Variants in THSD7B observed in about 807,000 individuals in gnomAD.
THSD7B encodes thrombospondin type-1 domain-containing protein 7B.
A neutral mutation model predicts 213.6 loss-of-function variants in THSD7B; 138 were observed. The ratio of observed to expected loss-of-function variants is 0.65; its 90% CI spans 0.56 to 0.74. The LOEUF is 0.74. THSD7B is among the 30% of genes least tolerant of loss of function. THSD7B has a pLI of 0.00. For missense variants in THSD7B, 1,931 were observed against 1,991.5 expected, an observed-to-expected ratio of 0.97 and a Z score of 0.58; for synonymous variants, 742 against 687.0, an observed-to-expected ratio of 1.08 and a Z score of -1.25.
chr2:137,475,469 C>G (rs74767290), intron 15 of THSD7B, among the ~76,000 whole-genome samples: 198 of 152,284 alleles, frequency 1.3e-3, no homozygotes, highest in African/African-American at 4.2e-3. Flanking sequence ...TAACCAACCT[C>G]TCTTTATCCC....
chr2:136,868,146 T>C (rs951562144), intron 1 of THSD7B, among the ~76,000 whole-genome samples: 2 of 148,390 alleles, frequency 1.3e-5, no homozygotes, highest in Admixed American at 6.6e-5. Context: ...ACACACATCC[T>C]TGAAGATGCA....
chr2:137,049,845 G>A (rs1393028107), intron 2 of THSD7B, among the ~76,000 whole-genome samples: 1 of 152,216 alleles, frequency 6.6e-6, no homozygotes, highest in Non-Finnish European at 1.5e-5. Context: ...CAAATTGCTT[G>A]TTAATGCTGA....
chr2:137,123,642 A>C (rs1360004545), intron 5 of THSD7B, among the ~76,000 whole-genome samples: 1 of 152,186 alleles, frequency 6.6e-6, no homozygotes, highest in Non-Finnish European at 1.5e-5. Flanking sequence ...CAATGAATGC[A>C]TGTTGAAAGG....
chr2:137,599,372 A>G lies in THSD7B; in HGVS notation c.3424-16803A>G, dbSNP rs1450983109. 2.0e-5 allele frequency among the ~76,000 whole-genome samples: 3 copies of G among 152,128 alleles called. No individual in the cohort carries two copies. The East Asian group carries it at 5.8e-4, about 29-fold the overall frequency. On this transcript the variant is annotated intron_variant, in intron 17 of 27. Coordinates refer to ENST00000409968, the MANE Select transcript of THSD7B (RefSeq NM_001316349.2). ...AAAGAAGACATTTATGCAGCCAAAA[A>G]TCACATGAAAAAATGCTCATCATCA... is the stretch of plus-strand genomic sequence containing the variant.
chr2:137,179,236 G>C (rs984056464), intron 7 of THSD7B, among the ~76,000 whole-genome samples: 1 of 152,130 alleles, frequency 6.6e-6, no homozygotes, highest in Non-Finnish European at 1.5e-5. Context: ...CATGTCCTAA[G>C]TTTTTCTATT....
intron 25 of THSD7B, among the ~76,000 whole-genome samples, chr2:137,659,983 A>G (rs1224289525): frequency 6.6e-6 from 1 of 152,168 alleles, no homozygotes; most frequent in African/African-American, 2.4e-5. Flanking sequence ...TACCTAATTT[A>G]TGTTAGCTCT....
intron 17 of THSD7B, among the ~76,000 whole-genome samples, chr2:137,603,468 A>G (rs1394310229): frequency 6.6e-6 from 1 of 152,224 alleles, no homozygotes; most frequent in Non-Finnish European, 1.5e-5. Flanking sequence ...CAGATCATTG[A>G]ACAGTGTACT....
At chr2:137,013,187 A>G (rs1191645822) in intron 2 of THSD7B, among the ~76,000 whole-genome samples, 2 of 152,240 alleles carry the variant, frequency 1.3e-5, no homozygotes, top group Non-Finnish European at 2.9e-5. Flanking sequence ...AAGATTGAGT[A>G]ACAGGGACTG....
chr2:136,941,273 G>T (rs1453522953), intron 2 of THSD7B, among the ~76,000 whole-genome samples: 1 of 152,104 alleles, frequency 6.6e-6, no homozygotes, highest in Non-Finnish European at 1.5e-5. Context: ...CATTTGGGTT[G>T]GTTCCAAGTT....
chr2:137,100,920 G>A (rs907461238), intron 4 of THSD7B, among the ~76,000 whole-genome samples: 1 of 152,128 alleles, frequency 6.6e-6, no homozygotes, highest in Non-Finnish European at 1.5e-5. Flanking sequence ...CATTGGTTAT[G>A]AGGGTTACTT....
intron 3 of THSD7B, among the ~76,000 whole-genome samples, chr2:137,088,608 T>TG (rs1687886535): frequency 7.1e-6 from 1 of 141,090 alleles, no homozygotes; most frequent in African/African-American, 2.7e-5. Context: ...GCAAATGCAA[T>TG]AAAAAAAAAA....
intron 2 of THSD7B, among the ~76,000 whole-genome samples, chr2:137,038,310 G>A (rs1271125831): frequency 1.3e-5 from 2 of 152,160 alleles, no homozygotes; most frequent in Non-Finnish European, 2.9e-5. Flanking sequence ...AATCACCACA[G>A]AGAAGGGGTT....
At chr2:137,102,250 G>A (rs1241461822) in intron 4 of THSD7B, among the ~76,000 whole-genome samples, 3 of 152,204 alleles carry the variant, frequency 2.0e-5, no homozygotes, top group Non-Finnish European at 4.4e-5. Flanking sequence ...GGCAAACAGA[G>A]CCTGAAGTGG....
chr2:137,330,941 G>A lies in THSD7B; in HGVS notation c.2500+54915G>A, dbSNP rs571855883. Among the ~76,000 whole-genome samples, 8 of 152,194 alleles carry A rather than the reference G, an allele frequency of 5.3e-5. No individual in the cohort carries two copies. The East Asian group carries it at 1.2e-3, about 22-fold the overall frequency. ...TTACAATCCCTGAGCTAGATACAAA[G>A]GTTCTCCAAGTCCCCATCAGATTAG... On this transcript the variant is annotated intron_variant, in intron 12 of 27. Coordinates refer to ENST00000409968, the MANE Select transcript of THSD7B (RefSeq NM_001316349.2).
intron 12 of THSD7B, among the ~76,000 whole-genome samples, chr2:137,386,257 C>G (rs1313354071): frequency 1.3e-5 from 2 of 152,110 alleles, no homozygotes; most frequent in African/African-American, 2.4e-5. Flanking sequence ...CTCTTGCAGC[C>G]CCCTGAGTGT....
intron 2 of THSD7B, chr2:136,990,917 T>G: frequency 7.4e-7 from 1 of 1,349,524 alleles, no homozygotes; most frequent in South Asian, 1.2e-5. Flanking sequence ...GATGAGGTGG[T>G]TTTGTATCAC....
intron 7 of THSD7B, among the ~76,000 whole-genome samples, chr2:137,180,600 T>C (rs1401548986): frequency 1.3e-5 from 2 of 152,120 alleles, no homozygotes; most frequent in African/African-American, 4.8e-5. Context: ...AATAGGCCAA[T>C]TGGGAACTAT....
chr2:137,268,167 T>A (rs982674875), intron 10 of THSD7B, among the ~76,000 whole-genome samples: 7 of 152,114 alleles, frequency 4.6e-5, no homozygotes, highest in Admixed American at 1.3e-4. Context: ...TTATTTTTTT[T>A]ATATACTTTA....
At position 136,971,639 on chromosome 2, in the gene THSD7B, T is replaced by TACACACACACACACACACAC. The variant is rs6146927; in HGVS notation, c.140-84768_140-84749dup. 8.8e-4 allele frequency among the ~76,000 whole-genome samples: 119 copies of TACACACACACACACACACAC among 135,356 alleles called. 1 individual carries two copies. The highest frequency in any genetic ancestry group is 2.3e-3 in the South Asian group (9 of 3,832). 88.8% of individuals were successfully genotyped at this position (135,356 alleles called of 152,430 possible). On this transcript the variant is annotated intron_variant, in intron 2 of 27. Coordinates refer to ENST00000409968, the MANE Select transcript of THSD7B (RefSeq NM_001316349.2). ...AAGTCACTGGTTTAACAACAACAAA[T>TACACACACACACACACACAC]ACACACACACACACACACACACACA... is the stretch of plus-strand genomic sequence containing the variant.
Sources: allele counts gnomAD v4.1 joint callset (sites outside exome capture counted in the v4.1 genomes callset), GRCh38; gene constraint gnomAD v4.1.1; transcripts MANE v1.5; gene names NCBI Gene and HGNC (gene_info 2026-07-23, HGNC 2026-07-21).